The following ALK variants were observed in gnomAD, a reference collection of about 807,000 sequenced individuals.
The protein encoded by ALK is ALK tyrosine kinase receptor.
Under a neutral mutation model 163.1 loss-of-function variants are expected in ALK, and 74 were observed. The ratio of observed to expected loss-of-function variants is 0.45; its 90% CI spans 0.38 to 0.55. The LOEUF is 0.55. Ranked by LOEUF, ALK falls within the 20% of genes least tolerant of loss-of-function variation. The pLI, the probability that ALK is intolerant of heterozygous loss-of-function variation, is 0.00. For synonymous variants in ALK, 960 were observed against 843.2 expected (o/e 1.14, Z -2.40); for missense variants, 2,063 against 2,105.3 (o/e 0.98, Z 0.39).
chr2:29,447,746 T>C (rs909843407), intron 4 of ALK, among the ~76,000 whole-genome samples: 3 of 152,172 alleles, frequency 2.0e-5, no homozygotes, highest in Non-Finnish European at 4.4e-5. Flanking sequence ...TCCAGGTAGC[T>C]CCTGGCTTTG....
At chr2:29,201,781 T>TAA (rs34316026) in intron 26 of ALK, among the ~76,000 whole-genome samples, 2 of 138,412 alleles carry the variant, frequency 1.4e-5, no homozygotes, top group Admixed American at 7.2e-5. Context: ...AATGACAGTC[T>TAA]AAAAAAAAAA....
Position 29,416,711 on chromosome 2 carries a change from G to A in ALK, c.1155-32852C>T, listed in dbSNP as rs371492208. On this transcript the variant is annotated intron_variant, in intron 4 of 28. Transcript: ENST00000389048. ...CCTTTTGGCTCTGTAGACTCACTTC[G>A]CAGGATGCAACATGAGGTACTACAG... Among the ~76,000 whole-genome samples, 99 of 152,098 alleles carry A rather than the reference G, an allele frequency of 6.5e-4. No individual in the cohort carries two copies. In the East Asian group the frequency reaches 0.012, roughly 19 times the overall value.
intron 1 of ALK, among the ~76,000 whole-genome samples, chr2:29,896,820 T>A (rs1423762398): frequency 6.6e-6 from 1 of 152,214 alleles, no homozygotes; most frequent in African/African-American, 2.4e-5. Context: ...TGTAAGAAGA[T>A]GCTCAGCTTG....
intron 5 of ALK, among the ~76,000 whole-genome samples, chr2:29,339,529 T>C (rs1187030778): frequency 6.6e-6 from 1 of 151,912 alleles, no homozygotes; most frequent in Non-Finnish European, 1.5e-5. Flanking sequence ...ATTTAAGGAG[T>C]TTAGACAAGA....
At chr2:29,213,573 C>T (rs1669517967) in intron 24 of ALK, among the ~76,000 whole-genome samples, 1 of 152,128 alleles carries the variant, frequency 6.6e-6, no homozygotes, top group African/African-American at 2.4e-5. Context: ...GGCAGGGGTC[C>T]TCACAGGAGG....
intron 1 of ALK, among the ~76,000 whole-genome samples, chr2:29,760,697 G>T (rs1324228270): frequency 6.6e-6 from 1 of 152,178 alleles, no homozygotes; most frequent in Non-Finnish European, 1.5e-5. Flanking sequence ...TTTGCAAAGG[G>T]CTTACAGACA....
intron 4 of ALK, among the ~76,000 whole-genome samples, chr2:29,486,435 G>C (rs1233944832): frequency 1.3e-5 from 2 of 152,018 alleles, no homozygotes; most frequent in African/African-American, 4.8e-5. Flanking sequence ...GCTTCTCTGG[G>C]CATTTTTCTG....
intron 4 of ALK, among the ~76,000 whole-genome samples, chr2:29,398,495 T>C (rs867345796): frequency 2.0e-5 from 3 of 152,138 alleles, no homozygotes; most frequent in African/African-American, 7.2e-5. Flanking sequence ...CTATAGCCAC[T>C]GGTGAGCTGG....
intron 4 of ALK, among the ~76,000 whole-genome samples, chr2:29,416,191 C>G (rs1669872298): frequency 6.6e-6 from 1 of 152,212 alleles, no homozygotes; most frequent in Non-Finnish European, 1.5e-5. Context: ...TACAAGGACA[C>G]AGGCCCGAAG....
At chr2:29,366,318 T>C (rs1668506616) in intron 5 of ALK, among the ~76,000 whole-genome samples, 1 of 152,124 alleles carries the variant, frequency 6.6e-6, no homozygotes, top group Non-Finnish European at 1.5e-5. Flanking sequence ...CCTGAGACTT[T>C]ACCAGAAAGG....
At chr2:29,594,901 T>A (rs56103812) in intron 3 of ALK, among the ~76,000 whole-genome samples, 1 of 29,374 alleles carries the variant, frequency 3.4e-5, no homozygotes, top group Non-Finnish European at 6.1e-5. Flanking sequence ...AAATGGGGGG[T>A]GGGGGGCGGG....
chr2:29,220,978 C>A (rs192941024), intron 22 of ALK, 143 bp from the exon 23 acceptor site: 16 of 1,171,954 alleles, frequency 1.4e-5, no homozygotes, highest in Admixed American at 2.0e-5. Flanking sequence ...GCAGGGGTCC[C>A]GGGCTGAGCC....
chr2:29,220,253 G>A (rs1669765079), intron 23 of ALK, among the ~76,000 whole-genome samples: 1 of 152,076 alleles, frequency 6.6e-6, no homozygotes, highest in African/African-American at 2.4e-5. Context: ...ATGAGACCTG[G>A]TTGTTTAAAA....
chr2:29,536,430 A>C, intron 3 of ALK, among the ~76,000 whole-genome samples: 1 of 152,104 alleles, frequency 6.6e-6, no homozygotes, highest in East Asian at 1.9e-4. Context: ...CCATGATTGC[A>C]AGCTTCCTGA....
intron 9 of ALK, among the ~76,000 whole-genome samples, chr2:29,278,678 C>G (rs1665607013): frequency 6.6e-6 from 1 of 152,122 alleles, no homozygotes; most frequent in Non-Finnish European, 1.5e-5. Context: ...CAGGTGCAAC[C>G]CTTAGGAAAA....
intron 4 of ALK, among the ~76,000 whole-genome samples, chr2:29,514,453 G>A (rs1672607858): frequency 6.6e-6 from 1 of 152,062 alleles, no homozygotes; most frequent in South Asian, 2.1e-4. Context: ...TGAACAATGA[G>A]AATTTCCTAG....
chr2:29,849,294 C>T (rs1209671221), intron 1 of ALK, among the ~76,000 whole-genome samples: 1 of 152,244 alleles, frequency 6.6e-6, no homozygotes, highest in Admixed American at 6.5e-5. Context: ...TTCAAGCCCA[C>T]CCCTGGCTTT....
At chr2:29,699,546 T>C (rs1489645581) in intron 2 of ALK, among the ~76,000 whole-genome samples, 1 of 152,176 alleles carries the variant, frequency 6.6e-6, no homozygotes, top group East Asian at 1.9e-4. Context: ...ACCAATGAAG[T>C]GTTTTATCTT....
chr2:29,902,635 G>A (rs1667445294), intron 1 of ALK, among the ~76,000 whole-genome samples: 1 of 152,184 alleles, frequency 6.6e-6, no homozygotes, highest in African/African-American at 2.4e-5. Context: ...CAAACTGAGA[G>A]GGCCCAGTAG....
Sources: gnomAD v4.1 joint callset for allele counts (sites outside exome capture counted in the v4.1 genomes callset) on GRCh38, gnomAD v4.1.1 for gene constraint, MANE v1.5 for transcripts, NCBI Gene and HGNC (gene_info 2026-07-23, HGNC 2026-07-21) for gene names.